Variants in ZDHHC13 observed in about 807,000 individuals in gnomAD.
ZDHHC13 encodes the protein zDHHC palmitoyltransferase 13.
Under a neutral mutation model 86.0 loss-of-function variants are expected in ZDHHC13, and 85 were observed. That is an observed-to-expected ratio of 0.99 (90% CI 0.83 to 1.18). The LOEUF (loss-of-function observed/expected upper bound fraction) is 1.18. Ranked by LOEUF, ZDHHC13 falls within the 50% of genes most tolerant of loss-of-function variation. The probability of loss-of-function intolerance (pLI) is 0.00; values close to 1 mark genes in which losing one functional copy is unlikely to be tolerated. For synonymous variants in ZDHHC13, 263 were observed against 246.4 expected (o/e 1.07, Z -0.63); for missense variants, 711 against 730.2 (o/e 0.97, Z 0.30).
chr11:19,123,204 CAT>C (rs1848794849), intron 1 of ZDHHC13, among the ~76,000 whole-genome samples: 1 of 152,158 alleles, frequency 6.6e-6, no homozygotes, highest in African/African-American at 2.4e-5. Flanking sequence ...CACATTAAAA[CAT>C]GTAAACCTCC....
chr11:19,149,083 T>C, intron 4 of ZDHHC13, 104 bp from the exon 5 acceptor site: 1 of 1,100,734 alleles, frequency 9.1e-7, no homozygotes, highest in Non-Finnish European at 1.2e-6. Flanking sequence ...GGAAATATTT[T>C]TTATATGTAA....
intron 14 of ZDHHC13, chr11:19,170,040 C>A (rs993108907): frequency 3.2e-5 from 33 of 1,038,122 alleles, no homozygotes; most frequent in Non-Finnish European, 3.6e-5. Flanking sequence ...TATATTCAGT[C>A]CTGTAATAGA....
In ZDHHC13 at chr11:19,155,849, A is replaced by G. The variant is rs772925270; in HGVS notation, c.927A>G (p.Ile309Met). 6.2e-7 allele frequency: 1 copy of G among 1,613,122 alleles called. No individual in the cohort carries two copies. The highest frequency in any genetic ancestry group is 8.5e-7 in the Non-Finnish European group (1 of 1,179,746). The part of the protein sequence containing the change: ...SVITMWAIGY[I>M]LDFNSDSWLL... Reference sequence around the variant, plus strand: ...TTACCATGTGGGCTATTGGATACATATTGGACTTCAATTCAGATTCTTGGC... The same window carrying G: ...TTACCATGTGGGCTATTGGATACATGTTGGACTTCAATTCAGATTCTTGGC... Residue 309 changes from isoleucine to methionine, a missense_variant, in exon 9 of 17, where the codon ATA (isoleucine) becomes ATG (methionine). Coordinates refer to ENST00000446113, the MANE Select transcript of ZDHHC13 (RefSeq NM_019028.3).
chr11:19,158,857 A>T (rs1216945007), intron 9 of ZDHHC13, 83 bp from the exon 10 acceptor site: 2 of 874,176 alleles, frequency 2.3e-6, no homozygotes, highest in Non-Finnish European at 3.4e-6. Flanking sequence ...TATTATTATT[A>T]CTACCATTAT....
chr11:19,175,743 T>C, intron 16 of ZDHHC13, 79 bp from the exon 17 acceptor site: 4 of 1,534,722 alleles, frequency 2.6e-6, no homozygotes, highest in Non-Finnish European at 3.5e-6. Flanking sequence ...ACATTGCATA[T>C]TATAGATTCT....
intron 1 of ZDHHC13, among the ~76,000 whole-genome samples, chr11:19,119,233 G>C (rs115955684): frequency 0.043 from 6,612 of 152,086 alleles, 257 homozygotes; most frequent in East Asian, 0.21. Flanking sequence ...GCCTCAGCCT[G>C]CCGAGTAGCT....
At position 19,129,867 on chromosome 11, in the gene ZDHHC13, T is replaced by C. The variant is rs546070493; in HGVS notation, c.27+12591T>C. 6.9e-3 allele frequency among the ~76,000 whole-genome samples: 1,041 copies of C among 151,814 alleles called. 7 individuals are homozygous for C. Among genetic ancestry groups the C allele is most frequent in the African/African-American group, 0.024 (982 of 41,366 alleles). ...CAGCACTTTGGGAGGCCGAGGCGGG[T>C]GGATCATGAGGTCAGGAGATCGAGA... On this transcript the variant is annotated intron_variant, in intron 1 of 16. Coordinates refer to ENST00000446113, the MANE Select transcript of ZDHHC13 (RefSeq NM_019028.3).
At chr11:19,142,474 A>G (rs1049989601) in intron 1 of ZDHHC13, among the ~76,000 whole-genome samples, 34 of 152,284 alleles carry the variant, frequency 2.2e-4, no homozygotes, top group African/African-American at 8.2e-4. Context: ...AAGGAATTAT[A>G]TGAGAACTTG....
intron 1 of ZDHHC13, among the ~76,000 whole-genome samples, chr11:19,121,115 T>TCTAG (rs1478520721): frequency 6.6e-6 from 1 of 152,240 alleles, no homozygotes; most frequent in African/African-American, 2.4e-5. Context: ...ATTTATCTAG[T>TCTAG]CTAGCCCTTT....
In ZDHHC13 at chr11:19,136,360, G is replaced by A. The variant is rs1849139776; in HGVS notation, c.28-6618G>A. On this transcript the variant is annotated intron_variant, in intron 1 of 16. Coordinates refer to ENST00000446113, the MANE Select transcript of ZDHHC13 (RefSeq NM_019028.3). ...GAAGTGAATGAAATGAAGCGAGAAGGGAAGTTTAGAGAAAAAAGAATAAAA... is the reference window on the plus strand; with the variant it reads ...GAAGTGAATGAAATGAAGCGAGAAGAGAAGTTTAGAGAAAAAAGAATAAAA... Among the ~76,000 whole-genome samples, 4 of 152,060 alleles carry A rather than the reference G, an allele frequency of 2.6e-5. No individual in the cohort carries two copies. In the South Asian group the frequency reaches 6.2e-4, roughly 24 times the overall value.
intron 16 of ZDHHC13, among the ~76,000 whole-genome samples, chr11:19,174,733 G>A (rs1254292548): frequency 6.6e-6 from 1 of 152,246 alleles, no homozygotes; most frequent in Non-Finnish European, 1.5e-5. Flanking sequence ...GTATTGGCCT[G>A]GGCCTTGAGA....
chr11:19,144,682 A>G (rs915742811), intron 2 of ZDHHC13, among the ~76,000 whole-genome samples: 1 of 152,168 alleles, frequency 6.6e-6, no homozygotes, highest in East Asian at 1.9e-4. Context: ...AAATTATTCT[A>G]ATTTACAGTG....
intron 12 of ZDHHC13, 95 bp from the exon 13 acceptor site, chr11:19,164,957 A>G (rs545683621): frequency 2.1e-6 from 2 of 967,842 alleles, no homozygotes; most frequent in East Asian, 5.2e-5. Context: ...ATTTGTGCCA[A>G]TGCCTCTGTG....
intron 10 of ZDHHC13, among the ~76,000 whole-genome samples, chr11:19,159,760 G>T (rs1019782893): frequency 6.6e-6 from 1 of 151,988 alleles, no homozygotes; most frequent in Non-Finnish European, 1.5e-5. Flanking sequence ...TTAGGGGTGT[G>T]TTGTTCTCTT....
chr11:19,119,400 C>T (rs1848713962), intron 1 of ZDHHC13, among the ~76,000 whole-genome samples: 1 of 152,214 alleles, frequency 6.6e-6, no homozygotes, highest in Non-Finnish European at 1.5e-5. Context: ...CCACCGCTCC[C>T]AGCCTGACCT....
At chr11:19,168,944 A>G (rs1236351751) in intron 14 of ZDHHC13, 2 of 985,070 alleles carry the variant, frequency 2.0e-6, no homozygotes, top group Non-Finnish European at 2.4e-6. Flanking sequence ...CCATCTAAAG[A>G]TGAAAACGTT....
intron 2 of ZDHHC13, among the ~76,000 whole-genome samples, chr11:19,144,937 G>A (rs1473064021): frequency 6.6e-6 from 1 of 152,188 alleles, no homozygotes; most frequent in African/African-American, 2.4e-5. Context: ...CTAACGTGGT[G>A]AAACCTATTA....
At position 19,164,358 on chromosome 11, in the gene ZDHHC13, T is replaced by A. The variant is rs764106374; in HGVS notation, c.1291T>A (p.Cys431Ser). The change falls in exon 12 of 17, where the codon TGT (cysteine) becomes AGT (serine). Residue 431 changes from cysteine (C) to serine (S), a missense_variant. Transcript: ENST00000446113. ...GGACTTCAGAACATTTTGTACATCA[T>A]GTCTTGTGAGTTTTTTCATATAATT... Reference protein sequence around the residue: ...SLDFRTFCTSCLIRKPLRSLH... With the variant: ...SLDFRTFCTSSLIRKPLRSLH... 3 of 1,612,884 alleles carry A rather than the reference T, an allele frequency of 1.9e-6. No individual in the cohort carries two copies. In the East Asian group the frequency reaches 6.7e-5, roughly 36 times the overall value.
At chr11:19,137,709 A>G (rs563802342) in intron 1 of ZDHHC13, among the ~76,000 whole-genome samples, 69 of 152,332 alleles carry the variant, frequency 4.5e-4, no homozygotes, top group African/African-American at 1.5e-3. Flanking sequence ...ATAACAAAGT[A>G]TCTCTCAGAC....
Sources: gnomAD v4.1 joint callset for allele counts (sites outside exome capture counted in the v4.1 genomes callset) on GRCh38, gnomAD v4.1.1 for gene constraint, MANE v1.5 for transcripts, NCBI Gene and HGNC (gene_info 2026-07-23, HGNC 2026-07-21) for gene names.